The following TTC28 variants were observed in gnomAD, a reference collection of about 807,000 sequenced individuals.
TTC28 encodes tetratricopeptide repeat protein 28.
A neutral mutation model predicts 198.0 loss-of-function variants in TTC28; 61 were observed. That is an observed-to-expected ratio of 0.31 (90% confidence interval 0.25 to 0.38). The LOEUF (loss-of-function observed/expected upper bound fraction) is 0.38, where lower values mean the gene tolerates loss of function less well. TTC28 is among the 10% of genes least tolerant of loss of function. The pLI is 1.00. For missense variants in TTC28, 2,678 were observed against 3,164.0 expected (o/e 0.85, Z 3.69); for synonymous variants, 1,171 against 1,297.8 (o/e 0.90, Z 2.10).
intron 6 of TTC28, among the ~76,000 whole-genome samples, chr22:28,156,734 A>G (rs1053762456): frequency 1.3e-5 from 2 of 152,226 alleles, no homozygotes; most frequent in Admixed American, 1.3e-4. Context: ...GAGCTGGTGA[A>G]TATAGAGTTG....
chr22:28,563,862 AT>A (rs2049929212), intron 2 of TTC28, among the ~76,000 whole-genome samples: 3 of 152,240 alleles, frequency 2.0e-5, no homozygotes, highest in African/African-American at 4.8e-5. Context: ...CAGCATTATT[AT>A]TCACAATAGC....
Position 28,108,272 on chromosome 22 carries a change from T to C in TTC28, c.1573A>G (p.Asn525Asp). The change falls in exon 7 of 23, where the codon AAT becomes GAT. Residue 525 changes from asparagine (N) to aspartate (D), a missense_variant. By Grantham distance (23) the Asn-to-Asp change is conservative. This residue lies in a region of TTC28 where 775 missense variants were observed against 845.9 expected (regional missense o/e 0.92). Transcript: ENST00000397906. ...GCCTGGTCGTACATGCCCAGGGCATTGTAGGCATTGCCCATATTCCCATAG... is the reference window on the plus strand; with the variant it reads ...GCCTGGTCGTACATGCCCAGGGCATCGTAGGCATTGCCCATATTCCCATAG... ...RAYGNMGNAY[N>D]ALGMYDQAVK... 1 of 1,549,118 alleles carries C rather than the reference T, an allele frequency of 6.5e-7. No individual in the cohort carries two copies.
chr22:28,490,752 G>C (rs575332630), intron 2 of TTC28, among the ~76,000 whole-genome samples: 1 of 152,212 alleles, frequency 6.6e-6, no homozygotes, highest in Non-Finnish European at 1.5e-5. Flanking sequence ...CAGATCCTAG[G>C]CTCCCTTATT....
chr22:28,218,097 A>C (rs1049849600), intron 5 of TTC28, among the ~76,000 whole-genome samples: 2 of 152,236 alleles, frequency 1.3e-5, no homozygotes, highest in Non-Finnish European at 2.9e-5. Flanking sequence ...CATTATACCA[A>C]AACTTGACAC....
chr22:28,616,243 A>T (rs1291333958), intron 2 of TTC28, among the ~76,000 whole-genome samples: 1 of 152,202 alleles, frequency 6.6e-6, no homozygotes, highest in Non-Finnish European at 1.5e-5. Context: ...GATGTCCTAG[A>T]CAAGTATACA....
At chr22:28,101,345 C>A in intron 8 of TTC28, 65 bp from the exon 9 acceptor site, 1 of 1,279,788 alleles carries the variant, frequency 7.8e-7, no homozygotes, top group East Asian at 2.6e-5. Flanking sequence ...CCTAAGGAGT[C>A]CTGAAGGGTC....
chr22:28,392,599 G>A (rs913528223), intron 2 of TTC28, among the ~76,000 whole-genome samples: 29 of 152,290 alleles, frequency 1.9e-4, no homozygotes, highest in African/African-American at 6.0e-4. Flanking sequence ...GGAGTGACCC[G>A]ATTTTCCAGG....
At chr22:28,479,467 T>C (rs2048215303) in intron 2 of TTC28, among the ~76,000 whole-genome samples, 12 of 152,170 alleles carry the variant, frequency 7.9e-5, no homozygotes, top group Admixed American at 7.9e-4. Flanking sequence ...ATTATAAAAA[T>C]CCATCTAATC....
rs538501943 is a variant in TTC28 at position 28,584,491 on chromosome 22, C to A, written c.381+45061G>T. Among the ~76,000 whole-genome samples, 6 of 152,230 alleles carry A rather than the reference C, an allele frequency of 3.9e-5. No individual in the cohort carries two copies. In the South Asian group the frequency reaches 1.2e-3, roughly 32 times the overall value. On this transcript the variant is annotated intron_variant, in intron 2 of 22. Coordinates refer to ENST00000397906, the MANE Select transcript of TTC28 (RefSeq NM_001145418.2). ...TCCATATCAGCCATGTCCAATAGAA[C>A]TTCATGTGATAATGGGAAGATTCTA...
chr22:28,083,070 CA>C (rs902771652), intron 12 of TTC28, among the ~76,000 whole-genome samples: 3 of 148,970 alleles, frequency 2.0e-5, no homozygotes, highest in African/African-American at 7.4e-5. Context: ...GATGATGATT[CA>C]TTTTTTTTTT....
At chr22:28,204,638 T>A (rs1036878429) in intron 5 of TTC28, among the ~76,000 whole-genome samples, 7 of 151,958 alleles carry the variant, frequency 4.6e-5, no homozygotes, top group Non-Finnish European at 2.9e-5. Flanking sequence ...AATGATTAAG[T>A]AAATCAGGAT....
chr22:28,229,904 TA>T (rs1009486925), intron 5 of TTC28, among the ~76,000 whole-genome samples: 2 of 151,680 alleles, frequency 1.3e-5, no homozygotes, highest in East Asian at 1.9e-4. Flanking sequence ...TGCTTAAATT[TA>T]AAAAAAAATC....
chr22:28,026,340 G>A (rs1048319460), intron 13 of TTC28, among the ~76,000 whole-genome samples: 2 of 152,106 alleles, frequency 1.3e-5, no homozygotes, highest in African/African-American at 4.8e-5. Context: ...AGCCTCCTGG[G>A]TGGGGAACCA....
intron 5 of TTC28, among the ~76,000 whole-genome samples, chr22:28,227,512 A>T (rs369627479): frequency 3.3e-5 from 5 of 152,210 alleles, no homozygotes; most frequent in East Asian, 3.8e-4. Flanking sequence ...TATACCCAGA[A>T]TATGTAAAGA....
intron 12 of TTC28, among the ~76,000 whole-genome samples, chr22:28,070,172 A>G (rs992205572): frequency 6.6e-6 from 1 of 152,240 alleles, no homozygotes; most frequent in African/African-American, 2.4e-5. Flanking sequence ...TCATGTAATC[A>G]TTCAATGAAT....
intron 5 of TTC28, among the ~76,000 whole-genome samples, chr22:28,234,655 G>A (rs1929096355): frequency 1.3e-5 from 2 of 152,176 alleles, no homozygotes. Context: ...TTACAGGCAT[G>A]AGCCACTAAC....
chr22:28,645,148 A>C (rs2051438068), intron 1 of TTC28, among the ~76,000 whole-genome samples: 1 of 152,046 alleles, frequency 6.6e-6, no homozygotes, highest in Non-Finnish European at 1.5e-5. Flanking sequence ...GTCTCAAAAA[A>C]AAAAAATGCT....
Position 27,982,568 on chromosome 22 carries a change from T to G in TTC28, c.7099A>C (p.Thr2367Pro). Residue 2367 changes from threonine (T) to proline (P), a missense_variant, in exon 23 of 23, where the codon ACA becomes CCA. Thr to Pro is a conservative substitution (Grantham distance 38). Around this residue, in one of 8 missense-constraint regions of TTC28, gnomAD observed 622 missense variants for 656.0 expected, o/e 0.95. Transcript: ENST00000397906. The surrounding 1 kb of genome is among the most constrained non-coding windows in gnomAD (Gnocchi z 5.2). ...VHNLKMFWQS[T>P]PQHSTGPMKI... ...ATTGGCCCTGTGGAATGCTGGGGTG[T>G]GCTCTGCCAGAACATCTTCAGGTTA... is the stretch of plus-strand genomic sequence containing the variant. The G allele has an allele frequency of 6.4e-7, 1 of 1,551,742 alleles. No homozygotes were observed. The highest frequency in any genetic ancestry group is 1.2e-5 in the South Asian group (1 of 84,048).
At chr22:28,347,358 TCTACTC>T (rs2145922282) in intron 2 of TTC28, among the ~76,000 whole-genome samples, 1 of 152,266 alleles carries the variant, frequency 6.6e-6, no homozygotes, top group South Asian at 2.1e-4. Context: ...TTCAGTTACT[TCTACTC>T]CTCTCCATTT....
Sources: gnomAD v4.1 joint callset for allele counts (sites outside exome capture counted in the v4.1 genomes callset) on GRCh38, gnomAD v4.1.1 for gene constraint, gnomAD v4.1.1 regional missense constraint, Gnocchi (gnomAD v3.1) non-coding constraint, MANE v1.5 for transcripts, NCBI Gene and HGNC (gene_info 2026-07-23, HGNC 2026-07-21) for gene names.